The following RHOBTB3 variants were observed in gnomAD, a reference collection of about 807,000 sequenced individuals.
The protein encoded by RHOBTB3 is Rho related BTB domain containing 3.
RHOBTB3 carries 47 observed loss-of-function variants against 67.2 expected under a neutral mutation model. That is an observed-to-expected ratio of 0.70 (90% CI 0.55 to 0.89). The LOEUF (loss-of-function observed/expected upper bound fraction) is 0.89, where lower values mean the gene tolerates loss of function less well. Among genes scored for constraint, RHOBTB3 ranks in the 40% least tolerant of loss-of-function variants. The pLI is 0.00. For missense variants in RHOBTB3, 631 were observed against 750.0 expected (o/e 0.84, Z 1.85); for synonymous variants, 273 against 274.2 (o/e 1.00, Z 0.04).
chr5:95,738,920 T>C (rs150598231), intron 3 of RHOBTB3, among the ~76,000 whole-genome samples: 46 of 152,300 alleles, frequency 3.0e-4, no homozygotes, highest in African/African-American at 1.0e-3. Flanking sequence ...CTGGTTCTTT[T>C]AACTATCTGT....
intron 11 of RHOBTB3, 106 bp downstream of exon 11, chr5:95,788,964 A>G (rs561429441): frequency 3.0e-6 from 2 of 666,084 alleles, no homozygotes; most frequent in East Asian, 3.2e-5. Context: ...AGAATAGTCA[A>G]TGTAATAAAT....
intron 7 of RHOBTB3, among the ~76,000 whole-genome samples, chr5:95,766,923 G>T (rs914541363): frequency 6.6e-6 from 1 of 152,160 alleles, no homozygotes. Context: ...TGGAGATGAA[G>T]ATGGAGGTGA....
rs1746463258 is a variant in RHOBTB3 at position 95,793,043 on chromosome 5, T to G, written c.1721-16T>G. ...TAAAACATATTCGGTTAACAGTCTT[T>G]TTCTTAAAACTTCAGTGGAAGAACG... On this transcript the variant is annotated splice_polypyrimidine_tract_variant and intron_variant, in intron 11 of 11. Coordinates refer to ENST00000379982, the MANE Select transcript of RHOBTB3 (RefSeq NM_014899.4). 6.4e-7 allele frequency: 1 copy of G among 1,572,146 alleles called. No individual in the cohort carries two copies.
chr5:95,757,919 A>G (rs937920575), intron 6 of RHOBTB3, among the ~76,000 whole-genome samples: 5 of 152,254 alleles, frequency 3.3e-5, no homozygotes. Context: ...AGAATGTCAC[A>G]GTTCAGAATT....
At chr5:95,757,348 T>A (rs896792721) in intron 6 of RHOBTB3, among the ~76,000 whole-genome samples, 38 of 152,360 alleles carry the variant, frequency 2.5e-4, no homozygotes, top group Non-Finnish European at 4.6e-4. Context: ...CTCCTGTCTT[T>A]AATTTTCTTT....
Position 95,755,508 on chromosome 5 carries a change from AGTT to A in RHOBTB3, c.798_800del (p.Val267del). 6.2e-7 allele frequency: 1 copy of A among 1,614,116 alleles called. No homozygotes were observed. The highest frequency in any genetic ancestry group is 8.5e-7 in the Non-Finnish European group (1 of 1,180,012). On this transcript the variant is annotated inframe_deletion, in exon 6 of 12. Transcript: ENST00000379982. ...TATTTTACAACCCCAATTTAAAGAA[AGTT>A]GTAGAGGCCCACAAGATCGTTCTCT...
At chr5:95,729,874 C>T (rs1369910163), upstream of RHOBTB3, among the ~76,000 whole-genome samples, 2 of 152,156 alleles carry the variant, frequency 1.3e-5, no homozygotes, top group Non-Finnish European at 2.9e-5. Context: ...GCTAATCATC[C>T]ATTACATGTG....
intron 9 of RHOBTB3, 125 bp from the exon 10 acceptor site, chr5:95,783,672 A>G (rs919751517): frequency 5.6e-5 from 38 of 684,108 alleles, no homozygotes; most frequent in African/African-American, 4.3e-4. Context: ...TAACCATTCT[A>G]TTCTATGGTG....
At chr5:95,784,847 A>G (rs1395249544) in intron 10 of RHOBTB3, among the ~76,000 whole-genome samples, 11 of 151,988 alleles carry the variant, frequency 7.2e-5, no homozygotes, top group Non-Finnish European at 1.3e-4. Flanking sequence ...CATTCCATCC[A>G]CTGCCCGAGA....
chr5:95,747,434 TACA>T (rs1218431255), intron 3 of RHOBTB3, among the ~76,000 whole-genome samples: 2 of 152,218 alleles, frequency 1.3e-5, no homozygotes, highest in Non-Finnish European at 2.9e-5. Flanking sequence ...GAAGCCAATC[TACA>T]ACAACATGCA....
At chr5:95,779,465 C>CA (rs1745986949) in intron 8 of RHOBTB3, among the ~76,000 whole-genome samples, 1 of 152,354 alleles carries the variant, frequency 6.6e-6, no homozygotes, top group Non-Finnish European at 1.5e-5. Context: ...CCTGGCCACT[C>CA]ACGGCCCTAT....
Position 95,793,829 on chromosome 5 carries a change from A to G in RHOBTB3, c.*655A>G, listed in dbSNP as rs1197891373. On this transcript the variant is annotated 3_prime_UTR_variant, in exon 12 of 12. Coordinates refer to ENST00000379982, the MANE Select transcript of RHOBTB3 (RefSeq NM_014899.4). ...GGCTTTCTTAGCGTGTAACTTGTGT[A>G]GCAGCACAGGGCCCACACTTAGAAG... The G allele has an allele frequency of 5.8e-6, 2 of 344,242 alleles. No individual in the cohort carries two copies. The highest frequency in any genetic ancestry group is 1.1e-5 in the Non-Finnish European group (2 of 175,238). The allele number at this position is 344,242 out of a possible 1,614,324, so 21.3% of individuals were successfully genotyped here.
intron 4 of RHOBTB3, among the ~76,000 whole-genome samples, chr5:95,751,096 C>G (rs1429780922): frequency 2.6e-5 from 4 of 152,188 alleles, no homozygotes; most frequent in Admixed American, 6.5e-5. Flanking sequence ...GCCTTGCAAG[C>G]TAGGGCACAG....
chr5:95,736,866 T>G, intron 2 of RHOBTB3, 23 bp from the exon 3 acceptor site: 1 of 1,496,894 alleles, frequency 6.7e-7, no homozygotes, highest in Non-Finnish European at 9.1e-7. Flanking sequence ...AGACTAAAGA[T>G]TGCTATTTGC....
chr5:95,759,812 A>G (rs909491588), intron 6 of RHOBTB3, among the ~76,000 whole-genome samples: 1 of 152,202 alleles, frequency 6.6e-6, no homozygotes, highest in African/African-American at 2.4e-5. Context: ...ACCATTGAAG[A>G]CAGGAGTTGT....
intron 9 of RHOBTB3, chr5:95,783,561 C>CAAAAAA (rs201633409): frequency 0.011 from 1,198 of 106,936 alleles, 2 homozygotes; most frequent in African/African-American, 0.013. Context: ...CCTGTCTCTA[C>CAAAAAA]AAAAAAAAAA....
At chr5:95,762,187 AT>A (rs1448393282) in intron 6 of RHOBTB3, among the ~76,000 whole-genome samples, 1 of 152,160 alleles carries the variant, frequency 6.6e-6, no homozygotes, top group African/African-American at 2.4e-5. Flanking sequence ...GCTACATATC[AT>A]TTGACTCCCT....
rs1746494615 is a variant in RHOBTB3, at chr5:95,793,903, T to C, written c.*729T>C. On this transcript the variant is annotated 3_prime_UTR_variant, in exon 12 of 12. Coordinates refer to ENST00000379982, the MANE Select transcript of RHOBTB3 (RefSeq NM_014899.4). ...CTGCTATAGCGGAAATTCTTAATAA[T>C]GTTTGAAGAAGGGCCCCATGATTTC... is the stretch of plus-strand genomic sequence containing the variant. 1 of 435,154 alleles carries C rather than the reference T, an allele frequency of 2.3e-6. No homozygotes were observed. The highest frequency in any genetic ancestry group is 2.6e-5 in the Admixed American group (1 of 39,082). The allele number at this position is 435,154 out of a possible 1,614,324, so 27.0% of individuals were successfully genotyped here. A position where few individuals can be genotyped will look rare whatever the true frequency, so the allele number is the denominator to read the frequency against.
chr5:95,753,171 A>T (rs373123630), intron 5 of RHOBTB3, among the ~76,000 whole-genome samples: 11 of 150,860 alleles, frequency 7.3e-5, no homozygotes, highest in African/African-American at 2.4e-4. Flanking sequence ...GAGCCAAAGG[A>T]TCCTGATATC....
Sources: gnomAD v4.1 joint callset for allele counts (sites outside exome capture counted in the v4.1 genomes callset) on GRCh38, gnomAD v4.1.1 for gene constraint, MANE v1.5 for transcripts, NCBI Gene and HGNC (gene_info 2026-07-23, HGNC 2026-07-21) for gene names.